Variants in GPC5 observed in about 807,000 individuals in gnomAD.
The protein encoded by GPC5 is glypican-5.
Under a neutral mutation model 53.9 loss-of-function variants are expected in GPC5, and 47 were observed. The ratio of observed to expected loss-of-function variants is 0.87; its 90% CI spans 0.69 to 1.11. GPC5 has a LOEUF of 1.11. GPC5 is among the 50% of genes most tolerant of loss of function. The pLI is 0.00. For synonymous variants in GPC5, 286 were observed against 263.3 expected, an observed-to-expected ratio of 1.09 and a Z score of -0.84; for missense variants, 748 against 713.1, an observed-to-expected ratio of 1.05 and a Z score of -0.56.
chr13:92,079,635 C>T (rs569655772), intron 6 of GPC5, among the ~76,000 whole-genome samples: 5 of 152,312 alleles, frequency 3.3e-5, no homozygotes, highest in South Asian at 4.1e-4. Context: ...GATGTCTGCA[C>T]CTGTGGTGTT....
chr13:92,672,122 A>T (rs542875374), intron 7 of GPC5, among the ~76,000 whole-genome samples: 8 of 151,950 alleles, frequency 5.3e-5, no homozygotes, highest in African/African-American at 1.9e-4. Flanking sequence ...TTTGTTGGGT[A>T]TTTTTTTTAC....
intron 6 of GPC5, among the ~76,000 whole-genome samples, chr13:92,017,184 G>C (rs1404344092): frequency 2.6e-5 from 4 of 152,182 alleles, no homozygotes; most frequent in Admixed American, 2.6e-4. Flanking sequence ...CGGACACCAA[G>C]AGTGCTGAGG....
chr13:92,431,607 A>G (rs888375599), intron 7 of GPC5, among the ~76,000 whole-genome samples: 6 of 152,122 alleles, frequency 3.9e-5, no homozygotes, highest in African/African-American at 1.2e-4. Flanking sequence ...GATGAAATAG[A>G]TTGTCTGAGC....
At chr13:92,137,790 C>G (rs775981929) in intron 6 of GPC5, among the ~76,000 whole-genome samples, 2 of 152,092 alleles carry the variant, frequency 1.3e-5, no homozygotes, top group Non-Finnish European at 2.9e-5. Context: ...ACTCCCAGCT[C>G]CAGATAAATA....
chr13:92,349,048 A>T (rs2043452417), intron 7 of GPC5, among the ~76,000 whole-genome samples: 1 of 152,222 alleles, frequency 6.6e-6, no homozygotes, highest in Non-Finnish European at 1.5e-5. Context: ...AAGGAAGGAA[A>T]TAATAAAGAT....
chr13:92,551,770 A>T (rs1415839500), intron 7 of GPC5, among the ~76,000 whole-genome samples: 1 of 151,834 alleles, frequency 6.6e-6, no homozygotes, highest in Non-Finnish European at 1.5e-5. Context: ...TGAGAAGAAC[A>T]AACAAACAGA....
intron 7 of GPC5, among the ~76,000 whole-genome samples, chr13:92,599,414 T>G (rs1883976786): frequency 6.6e-6 from 1 of 151,814 alleles, no homozygotes; most frequent in African/African-American, 2.4e-5. Context: ...GTGTTCTAAA[T>G]AGAAGGAAGA....
At chr13:91,616,605 A>AT (rs1566555923) in intron 2 of GPC5, among the ~76,000 whole-genome samples, 2 of 151,938 alleles carry the variant, frequency 1.3e-5, no homozygotes, top group East Asian at 1.9e-4. Flanking sequence ...ATCTCTGCCA[A>AT]TTTTTTCTGA....
chr13:91,544,067 A>G (rs896983618), intron 2 of GPC5, among the ~76,000 whole-genome samples: 6 of 152,118 alleles, frequency 3.9e-5, no homozygotes, highest in Admixed American at 3.9e-4. Flanking sequence ...TATTTCTAGT[A>G]CCTGAAATAT....
At chr13:91,457,083 T>C (rs1285964008) in intron 2 of GPC5, among the ~76,000 whole-genome samples, 1 of 152,084 alleles carries the variant, frequency 6.6e-6, no homozygotes. Flanking sequence ...ATTACTATTA[T>C]AAATTCTATT....
intron 7 of GPC5, among the ~76,000 whole-genome samples, chr13:92,351,667 C>T (rs2139268183): frequency 6.6e-6 from 1 of 152,076 alleles, no homozygotes; most frequent in South Asian, 2.1e-4. Context: ...AAAATTGATG[C>T]ATAGAGACAA....
At chr13:91,772,636 C>T (rs1043913382) in intron 5 of GPC5, among the ~76,000 whole-genome samples, 5 of 152,000 alleles carry the variant, frequency 3.3e-5, no homozygotes, top group Non-Finnish European at 5.9e-5. Context: ...AAAGAAATAC[C>T]AATTACATTA....
At chr13:92,356,243 G>A (rs1333092054) in intron 7 of GPC5, among the ~76,000 whole-genome samples, 8 of 152,266 alleles carry the variant, frequency 5.3e-5, no homozygotes, top group Non-Finnish European at 1.0e-4. Context: ...AAGGTGTCCA[G>A]GGTGGCGGGA....
chr13:92,720,228 A>G (rs1313154504), intron 7 of GPC5, among the ~76,000 whole-genome samples: 1 of 152,172 alleles, frequency 6.6e-6, no homozygotes, highest in East Asian at 1.9e-4. Flanking sequence ...TTCTGCTTTT[A>G]CAGTGTCCTG....
chr13:92,264,854 G>GTCTCTC (rs147820719), intron 7 of GPC5, among the ~76,000 whole-genome samples: 3 of 139,552 alleles, frequency 2.1e-5, no homozygotes, highest in African/African-American at 8.3e-5. Flanking sequence ...TATGTTTAGG[G>GTCTCTC]TCTCTCTCTC....
intron 7 of GPC5, among the ~76,000 whole-genome samples, chr13:92,445,778 G>A (rs962434762): frequency 3.3e-5 from 5 of 151,808 alleles, no homozygotes; most frequent in Non-Finnish European, 5.9e-5. Flanking sequence ...ATAAACATAC[G>A]TGTGCATGTG....
intron 6 of GPC5, among the ~76,000 whole-genome samples, chr13:91,979,951 A>C (rs1245623381): frequency 2.0e-5 from 3 of 152,192 alleles, no homozygotes; most frequent in Non-Finnish European, 4.4e-5. Context: ...TACTTTCAAG[A>C]GACACCTCCG....
chr13:91,546,395 A>G (rs760996758), intron 2 of GPC5, among the ~76,000 whole-genome samples: 3 of 152,150 alleles, frequency 2.0e-5, no homozygotes, highest in African/African-American at 4.8e-5. Context: ...AGGCCATTGC[A>G]AATTATAAGG....
At chr13:92,511,027 CT>C (rs979306384) in intron 7 of GPC5, among the ~76,000 whole-genome samples, 1 of 152,096 alleles carries the variant, frequency 6.6e-6, no homozygotes, top group Admixed American at 6.5e-5. Flanking sequence ...TAATTAAAAC[CT>C]TTGTTAATAT....
Sources: allele counts gnomAD v4.1 joint callset (sites outside exome capture counted in the v4.1 genomes callset), GRCh38; gene constraint gnomAD v4.1.1; transcripts MANE v1.5; gene names NCBI Gene and HGNC (gene_info 2026-07-23, HGNC 2026-07-21).